FREM3: variants seen among roughly 807,000 people sequenced by gnomAD.
FREM3 encodes the protein FRAS1-related extracellular matrix protein 3.
Under a neutral mutation model 129.1 loss-of-function variants are expected in FREM3, and 105 were observed. The observed-to-expected ratio is 0.81, with a 90% CI of 0.69 to 0.96. The LOEUF (loss-of-function observed/expected upper bound fraction) is 0.96. FREM3 is among the 40% of genes least tolerant of loss of function. FREM3 has a pLI of 0.00. For synonymous variants in FREM3, 1,014 were observed against 1,044.9 expected (o/e 0.97, Z 0.57); for missense variants, 2,593 against 2,666.3 (o/e 0.97, Z 0.61).
Position 143,687,489 on chromosome 4 carries a change from G to A in FREM3, c.5275+5624C>T, listed in dbSNP as rs187621111. ...ACTATTCCACAAGATAGAGAAAAACGGAACCCTCCCTAATTCATTCTATGA... is the reference window on the plus strand; with the variant it reads ...ACTATTCCACAAGATAGAGAAAAACAGAACCCTCCCTAATTCATTCTATGA... On this transcript the variant is annotated intron_variant, in intron 2 of 7. Transcript: ENST00000329798. Among the ~76,000 whole-genome samples, 210 of 152,136 alleles carry A rather than the reference G, an allele frequency of 1.4e-3. 1 individual carries two copies. The highest frequency in any genetic ancestry group is 4.8e-3 in the African/African-American group (201 of 41,518).
chr4:143,613,786 T>C (rs1217038745), intron 5 of FREM3, among the ~76,000 whole-genome samples: 1 of 152,210 alleles, frequency 6.6e-6, no homozygotes, highest in African/African-American at 2.4e-5. Flanking sequence ...TGTCAGAAAC[T>C]GCATGTTAAC....
At chr4:143,581,387 C>T (rs527998673) in intron 7 of FREM3, among the ~76,000 whole-genome samples, 11 of 152,030 alleles carry the variant, frequency 7.2e-5, no homozygotes, top group African/African-American at 1.7e-4. Flanking sequence ...CTGACACCTC[C>T]GGCATGGCAC....
intron 2 of FREM3, among the ~76,000 whole-genome samples, chr4:143,688,193 A>G (rs573521225): frequency 6.6e-6 from 1 of 152,332 alleles, no homozygotes; most frequent in South Asian, 2.1e-4. Flanking sequence ...AAGTACACAA[A>G]TCAGTAGCTC....
At chr4:143,630,827 A>C (rs1040347718) in intron 2 of FREM3, among the ~76,000 whole-genome samples, 4 of 152,182 alleles carry the variant, frequency 2.6e-5, no homozygotes, top group Admixed American at 2.0e-4. Context: ...AAGAAGGTGA[A>C]GTCCATCTAC....
At chr4:143,649,864 A>G (rs1383254708) in intron 2 of FREM3, among the ~76,000 whole-genome samples, 1 of 152,232 alleles carries the variant, frequency 6.6e-6, no homozygotes, top group Non-Finnish European at 1.5e-5. Context: ...TTTCAGGACC[A>G]GTTGAGGACC....
At chr4:143,655,260 A>T (rs1041889102) in intron 2 of FREM3, among the ~76,000 whole-genome samples, 11 of 152,244 alleles carry the variant, frequency 7.2e-5, no homozygotes, top group African/African-American at 2.4e-4. Flanking sequence ...AAAGCACGAA[A>T]GGTGAAATTA....
intron 2 of FREM3, among the ~76,000 whole-genome samples, chr4:143,636,048 T>C (rs1739228043): frequency 6.6e-6 from 1 of 152,100 alleles, no homozygotes. Context: ...AGAAACATTG[T>C]GTGTGAGAGA....
chr4:143,666,512 C>G, intron 2 of FREM3, among the ~76,000 whole-genome samples: 1 of 151,908 alleles, frequency 6.6e-6, no homozygotes, highest in East Asian at 1.9e-4. Context: ...AGTGGATAGA[C>G]AAAATATGAT....
chr4:143,683,927 G>A (rs191080880), intron 2 of FREM3, among the ~76,000 whole-genome samples: 1 of 152,184 alleles, frequency 6.6e-6, no homozygotes, highest in East Asian at 1.9e-4. Context: ...ACTAGAGGCA[G>A]CCATAATCTT....
At chr4:143,638,067 T>C (rs1360820476) in intron 2 of FREM3, among the ~76,000 whole-genome samples, 1 of 152,160 alleles carries the variant, frequency 6.6e-6, no homozygotes, top group East Asian at 1.9e-4. Context: ...TATGTCATGC[T>C]ATGTATAACA....
Position 143,698,389 on chromosome 4 carries a change from C to T in FREM3, c.2287G>A (p.Val763Met), listed in dbSNP as rs1205545419. 6.5e-7 allele frequency: 1 copy of T among 1,537,890 alleles called. No individual in the cohort carries two copies. The highest frequency in any genetic ancestry group is 2.4e-5 in the East Asian group (1 of 40,914). ...GNHQVRAGEI[V>M]LTDSPDTLIM... ...AGTGTGTCTGGTGAATCAGTGAGCA[C>T]AATTTCTCCAGCCCGGACTTGGTGG... Residue 763 changes from valine (V) to methionine (M), a missense_variant, in exon 1 of 8, where the codon GTG (valine) becomes ATG (methionine). By Grantham distance (21) the Val-to-Met change is conservative. Around this residue, in one of 2 missense-constraint regions of FREM3, gnomAD observed 2,276 missense variants for 2,267.2 expected, o/e 1.00. Coordinates refer to ENST00000329798, the MANE Select transcript of FREM3 (RefSeq NM_001168235.2).
Position 143,696,375 on chromosome 4 carries a change from A to T in FREM3, c.4301T>A (p.Ile1434Asn), listed in dbSNP as rs975611527. Residue 1434 changes from isoleucine to asparagine, a missense_variant, in exon 1 of 8, where the codon ATC becomes AAC. By Grantham distance (149) the Ile-to-Asn change is moderately radical. This residue lies in a region of FREM3 where 2,276 missense variants were observed against 2,267.2 expected (regional missense o/e 1.00). Transcript: ENST00000329798. ...SVFPEVISKRITLIEGARVTL... is the reference protein window; with the variant it reads ...SVFPEVISKRNTLIEGARVTL... Reference sequence around the variant, plus strand: ...CACTCTGGCACCTTCTATCAAGGTGATCCTTTTGCTGATTACCTCAGGGAA... The same window carrying T: ...CACTCTGGCACCTTCTATCAAGGTGTTCCTTTTGCTGATTACCTCAGGGAA... The T allele has an allele frequency of 6.5e-6, 10 of 1,537,422 alleles. No individual in the cohort carries two copies. Among genetic ancestry groups the T allele is most frequent in the Non-Finnish European group, 8.7e-6 (10 of 1,146,950 alleles).
intron 2 of FREM3, among the ~76,000 whole-genome samples, chr4:143,658,598 T>C (rs770130252): frequency 6.6e-6 from 1 of 152,226 alleles, no homozygotes; most frequent in Non-Finnish European, 1.5e-5. Flanking sequence ...TCTATCGACA[T>C]CAGTTAGAAC....
In FREM3 at chr4:143,699,156, T is replaced by C. The variant is rs1270794459; in HGVS notation, c.1520A>G (p.His507Arg). Residue 507 changes from histidine (H) to arginine (R), a missense_variant, in exon 1 of 8, where the codon CAT (histidine) becomes CGT (arginine). Coordinates refer to ENST00000329798, the MANE Select transcript of FREM3 (RefSeq NM_001168235.2). This position sits in a 1 kb window ranked among gnomAD's most constrained non-coding sequence, Gnocchi z 4.2. ...GTCACTGTAGGTGTTGCTGCCATCA[T>C]GCTGATACACCACTCGCCCTGCTGC... The part of the protein sequence containing the change: ...DLAAGRVVYQ[H>R]DGSNTYSDNI... The C allele has an allele frequency of 2.0e-6, 3 of 1,537,406 alleles. No individual in the cohort carries two copies. The highest frequency in any genetic ancestry group is 2.6e-6 in the Non-Finnish European group (3 of 1,146,940).
rs75852852 is a variant in FREM3 at position 143,606,568 on chromosome 4, T to G, written c.6028+4711A>C. Reference sequence around the variant, plus strand: ...AAGAAAATATTTATCTATGGAAGATTTGGTTATTTCTTAGGGGTAAATGCA... The same window carrying G: ...AAGAAAATATTTATCTATGGAAGATGTGGTTATTTCTTAGGGGTAAATGCA... On this transcript the variant is annotated intron_variant, in intron 6 of 7. Transcript: ENST00000329798. Among the ~76,000 whole-genome samples, 1,240 of 152,172 alleles carry G rather than the reference T, an allele frequency of 8.1e-3. 22 individuals are homozygous for G. Among genetic ancestry groups the G allele is most frequent in the African/African-American group, 0.029 (1,189 of 41,508 alleles).
chr4:143,651,295 T>C (rs1235518540), intron 2 of FREM3, among the ~76,000 whole-genome samples: 1 of 152,230 alleles, frequency 6.6e-6, no homozygotes, highest in Non-Finnish European at 1.5e-5. Context: ...TTGCTAAATC[T>C]TTTCAGCGTT....
Position 143,696,672 on chromosome 4 carries a change from A to G in FREM3, c.4004T>C (p.Leu1335Pro). Residue 1335 changes from leucine (L) to proline (P), a missense_variant, in exon 1 of 8, where the codon CTT (leucine) becomes CCT (proline). Physicochemically the swap from Leu to Pro is moderately conservative, Grantham distance 98. This residue lies in a region of FREM3 where 2,276 missense variants were observed against 2,267.2 expected (regional missense o/e 1.00). Coordinates refer to ENST00000329798, the MANE Select transcript of FREM3 (RefSeq NM_001168235.2). Reference sequence around the variant, plus strand: ...ACTGAGGCTTTTATCATCTGAGTCAAGATCTGTGGCCTTGAGGATCCGATT... The same window carrying G: ...ACTGAGGCTTTTATCATCTGAGTCAGGATCTGTGGCCTTGAGGATCCGATT... ...ITNRILKATD[L>P]DSDDKSLSFV... 7 of 1,537,846 alleles carry G rather than the reference A, an allele frequency of 4.6e-6. No homozygotes were observed. The highest frequency in any genetic ancestry group is 1.4e-5 in the African/African-American group (1 of 73,144).
intron 2 of FREM3, among the ~76,000 whole-genome samples, chr4:143,674,837 G>C (rs904174020): frequency 2.0e-5 from 3 of 152,158 alleles, no homozygotes; most frequent in African/African-American, 4.8e-5. Context: ...AACAAGAAGA[G>C]CTAACTGTCC....
rs1740553160 is a variant in FREM3, at chr4:143,695,713, A to G, written c.4963T>C (p.Leu1655=). 5 of 1,537,126 alleles carry G rather than the reference A, an allele frequency of 3.3e-6. No individual in the cohort carries two copies. The highest frequency in any genetic ancestry group is 3.5e-6 in the Non-Finnish European group (4 of 1,146,930). ...PQVMRVQIRS[L]DNRLPQITTN... ...GTAATCTGGGGAAGCCTATTGTCTAATGATCTTATCTGGACCCTCATTACT... is the reference window on the plus strand; with the variant it reads ...GTAATCTGGGGAAGCCTATTGTCTAGTGATCTTATCTGGACCCTCATTACT... Residue 1655 remains leucine (L), a synonymous_variant, in exon 1 of 8, where the codon TTA becomes CTA. Coordinates refer to ENST00000329798, the MANE Select transcript of FREM3 (RefSeq NM_001168235.2).
Sources: gnomAD v4.1 joint callset for allele counts (sites outside exome capture counted in the v4.1 genomes callset) on GRCh38, gnomAD v4.1.1 for gene constraint, gnomAD v4.1.1 regional missense constraint, Gnocchi (gnomAD v3.1) non-coding constraint, MANE v1.5 for transcripts, NCBI Gene and HGNC (gene_info 2026-07-23, HGNC 2026-07-21) for gene names.